GLE1: variants seen among roughly 807,000 people sequenced by gnomAD.
GLE1 encodes the protein GLE1 RNA export mediator, also known as mRNA export factor GLE1.
In GLE1, 78 loss-of-function variants were observed where a neutral mutation model predicts 97.3. The observed-to-expected ratio is 0.80, with a 90% CI of 0.67 to 0.97. The LOEUF is 0.97. Ranked by LOEUF, GLE1 falls within the 50% of genes least tolerant of loss-of-function variation. The pLI is 0.00. For missense variants in GLE1, 753 were observed against 857.5 expected, an observed-to-expected ratio of 0.88 and a Z score of 1.52; for synonymous variants, 302 against 313.4, an observed-to-expected ratio of 0.96 and a Z score of 0.39.
chr9:128,524,688 A>C (rs1210905033), intron 6 of GLE1, among the ~76,000 whole-genome samples: 1 of 150,638 alleles, frequency 6.6e-6, no homozygotes, highest in Admixed American at 6.7e-5. Flanking sequence ...GGAGTTCGAG[A>C]CCAGTAGGTT....
intron 7 of GLE1, among the ~76,000 whole-genome samples, chr9:128,526,000 T>G (rs1251529456): frequency 6.6e-6 from 1 of 151,824 alleles, no homozygotes; most frequent in Non-Finnish European, 1.5e-5. Context: ...GAGTCTGGTT[T>G]TTGTTGTTGT....
intron 3 of GLE1, among the ~76,000 whole-genome samples, chr9:128,519,205 G>C (rs1004545588): frequency 6.6e-6 from 1 of 152,150 alleles, no homozygotes. Flanking sequence ...TAGAGCATGT[G>C]TGTTTGAACA....
intron 9 of GLE1, among the ~76,000 whole-genome samples, chr9:128,530,609 T>G (rs944876819): frequency 1.3e-5 from 2 of 152,066 alleles, no homozygotes; most frequent in African/African-American, 4.8e-5. Context: ...ACCTAATTCT[T>G]CTCTTTTTTA....
Position 128,541,595 on chromosome 9 carries a change from A to G in GLE1, c.*425A>G, listed in dbSNP as rs577169921. ...GAATTTCCAGAAAGAGCTAAGGCTC[A>G]TAAGGTTCCCTTTTAAGTATTATTT... On this transcript the variant is annotated 3_prime_UTR_variant, in exon 16 of 16. Coordinates refer to ENST00000309971, the MANE Select transcript of GLE1 (RefSeq NM_001003722.2). 55 of 194,590 alleles carry G rather than the reference A, an allele frequency of 2.8e-4. 1 individual carries two copies. The South Asian group carries it at 4.9e-3, about 17-fold the overall frequency. The allele number at this position is 194,590 out of a possible 1,614,324, so 12.1% of individuals were successfully genotyped here.
chr9:128,504,956 A>G (rs1846598310), intron 1 of GLE1, 52 bp downstream of exon 1: 2 of 1,215,928 alleles, frequency 1.6e-6, no homozygotes, highest in African/African-American at 3.0e-5. Context: ...CGCGACCGAA[A>G]CCTTCTCCCT....
chr9:128,505,775 T>C (rs1456317781), intron 1 of GLE1, among the ~76,000 whole-genome samples: 1 of 152,220 alleles, frequency 6.6e-6, no homozygotes. Context: ...TTTCCCTTAG[T>C]AATTGTTGGG....
At chr9:128,522,851 T>C (rs751706007) in intron 4 of GLE1, 35 bp downstream of exon 4, 10 of 1,608,946 alleles carry the variant, frequency 6.2e-6, no homozygotes, top group South Asian at 1.1e-5. Context: ...GGAATGTTGA[T>C]GTGTTCAACT....
rs367862664 is a variant in GLE1 at position 128,536,413 on chromosome 9, C to T, written c.1705C>T (p.Arg569Cys). The T allele has an allele frequency of 6.2e-6, 10 of 1,613,816 alleles. No individual in the cohort carries two copies. The highest frequency in any genetic ancestry group is 2.7e-5 in the African/African-American group (2 of 74,906). ...GGAGCAGCAAGACAACTTTCTAAAA[C>T]GCATGTCAGGGATGATCCGTCTCTA... ...KVEQQDNFLKRMSGMIRLYAA... is the reference protein window; with the variant it reads ...KVEQQDNFLKCMSGMIRLYAA... Residue 569 changes from arginine (R) to cysteine (C), a missense_variant, in exon 12 of 16, where the codon CGC (arginine) becomes TGC (cysteine). Physicochemically the swap from Arg to Cys is radical, Grantham distance 180. Coordinates refer to ENST00000309971, the MANE Select transcript of GLE1 (RefSeq NM_001003722.2).
chr9:128,519,954 T>C (rs897586859), intron 3 of GLE1, among the ~76,000 whole-genome samples: 4 of 152,120 alleles, frequency 2.6e-5, no homozygotes, highest in Non-Finnish European at 5.9e-5. Context: ...ACATGACTAT[T>C]GGGGCAGGTT....
intron 12 of GLE1, among the ~76,000 whole-genome samples, chr9:128,537,753 T>G (rs1847761683): frequency 1.3e-5 from 2 of 152,188 alleles, no homozygotes; most frequent in African/African-American, 2.4e-5. Flanking sequence ...AAGGCTGCAG[T>G]GATCCATGAT....
At position 128,516,266 on chromosome 9, in the gene GLE1, A is replaced by T. The variant is rs1163018924; in HGVS notation, c.432+627A>T. Reference sequence around the variant, plus strand: ...AGCCACGATGCCCAGTCAGGACCTTAGCCTCTTGAAAAAATAGCAGCACTA... The same window carrying T: ...AGCCACGATGCCCAGTCAGGACCTTTGCCTCTTGAAAAAATAGCAGCACTA... On this transcript the variant is annotated intron_variant, in intron 3 of 15. Transcript: ENST00000309971. Among the ~76,000 whole-genome samples, 3 of 148,586 alleles carry T rather than the reference A, an allele frequency of 2.0e-5. No homozygotes were observed. In the East Asian group the frequency reaches 6.1e-4, roughly 30 times the overall value.
In GLE1 at chr9:128,520,111, G is replaced by A. The variant is rs554828028; in HGVS notation, c.433-2557G>A. ...CTAAAAATACAAAAATTAGCTGGGC[G>A]TGGTGGCACATGCCTGTAAACCCAG... On this transcript the variant is annotated intron_variant, in intron 3 of 15. Transcript: ENST00000309971. 7.2e-5 allele frequency among the ~76,000 whole-genome samples: 11 copies of A among 152,048 alleles called. No individual in the cohort carries two copies. In the South Asian group the frequency reaches 8.3e-4, roughly 11 times the overall value.
intron 2 of GLE1, 23 bp from the exon 3 acceptor site, chr9:128,515,506 T>G: frequency 7.7e-7 from 1 of 1,290,760 alleles, no homozygotes; most frequent in Non-Finnish European, 1.1e-6. Flanking sequence ...TTTTAATTAT[T>G]TTTCCATTTT....
chr9:128,514,358 A>C lies in GLE1; in HGVS notation c.322-1171A>C, dbSNP rs969952956. On this transcript the variant is annotated intron_variant, in intron 2 of 15. Transcript: ENST00000309971. ...TGTTTCAAAAAAAAAAAAAAAAAAA[A>C]ACTTAGAAAAGTTCAAAGATGAACT... Among the ~76,000 whole-genome samples, 6 of 151,718 alleles carry C rather than the reference A, an allele frequency of 4.0e-5. No homozygotes were observed. The East Asian group carries it at 5.8e-4, about 15-fold the overall frequency.
At chr9:128,510,563 C>G (rs371118553) in intron 2 of GLE1, among the ~76,000 whole-genome samples, 26 of 127,978 alleles carry the variant, frequency 2.0e-4, no homozygotes, top group African/African-American at 7.2e-4. Context: ...GAGTCTAGCT[C>G]TGTCACCCAG....
At chr9:128,533,079 T>G (rs1472478197) in intron 9 of GLE1, among the ~76,000 whole-genome samples, 1 of 152,136 alleles carries the variant, frequency 6.6e-6, no homozygotes, top group Non-Finnish European at 1.5e-5. Flanking sequence ...GTTTATCCCT[T>G]CATTTCTGTA....
At chr9:128,539,057 A>G (rs1029237469) in intron 13 of GLE1, among the ~76,000 whole-genome samples, 3 of 152,118 alleles carry the variant, frequency 2.0e-5, no homozygotes, top group Admixed American at 6.5e-5. Flanking sequence ...CCAGGGCAAT[A>G]TGGTGAAACC....
intron 5 of GLE1, 69 bp from the exon 6 acceptor site, chr9:128,523,523 A>G (rs1287827525): frequency 8.8e-6 from 14 of 1,588,994 alleles, no homozygotes; most frequent in Middle Eastern, 2.0e-4. Flanking sequence ...CCCACGTAGA[A>G]TTTGAGGACT....
At chr9:128,534,939 G>C (rs1277542488) in intron 11 of GLE1, among the ~76,000 whole-genome samples, 1 of 151,654 alleles carries the variant, frequency 6.6e-6, no homozygotes, top group African/African-American at 2.4e-5. Context: ...GGATGGTCTC[G>C]ATCTCTTGAC....
Sources: allele counts gnomAD v4.1 joint callset (sites outside exome capture counted in the v4.1 genomes callset), GRCh38; gene constraint gnomAD v4.1.1; transcripts MANE v1.5; gene names NCBI Gene and HGNC (gene_info 2026-07-23, HGNC 2026-07-21).